The following EPHA7 variants were observed in gnomAD, a reference collection of about 807,000 sequenced individuals.
EPHA7 encodes the protein EPH receptor A7.
In EPHA7, 25 loss-of-function variants were observed where a neutral mutation model predicts 112.6. The observed-to-expected ratio is 0.22, with a 90% CI of 0.16 to 0.31. The LOEUF is 0.31. Among genes scored for constraint, EPHA7 ranks in the 10% least tolerant of loss-of-function variants. The pLI, the probability that EPHA7 is intolerant of heterozygous loss-of-function variation, is 1.00. For missense variants in EPHA7, 962 were observed against 1,212.6 expected (o/e 0.79, Z 3.07); for synonymous variants, 437 against 406.5 (o/e 1.07, Z -0.90).
At chr6:93,302,266 C>T (rs1773023651) in intron 5 of EPHA7, among the ~76,000 whole-genome samples, 2 of 152,108 alleles carry the variant, frequency 1.3e-5, no homozygotes, top group African/African-American at 2.4e-5. Context: ...GTCCCTAGCT[C>T]ACTGACATTT....
intron 5 of EPHA7, among the ~76,000 whole-genome samples, chr6:93,330,651 T>C (rs937646904): frequency 1.3e-5 from 2 of 151,500 alleles, no homozygotes; most frequent in East Asian, 3.9e-4. Flanking sequence ...TACCATTATG[T>C]AGATATATAC....
chr6:93,299,614 A>C (rs1221667718), intron 5 of EPHA7, among the ~76,000 whole-genome samples: 1 of 152,122 alleles, frequency 6.6e-6, no homozygotes. Flanking sequence ...ACCATTCGAC[A>C]CAACAATCTC....
At chr6:93,366,080 ACT>A (rs1180847708) in intron 3 of EPHA7, among the ~76,000 whole-genome samples, 1 of 152,118 alleles carries the variant, frequency 6.6e-6, no homozygotes, top group African/African-American at 2.4e-5. Flanking sequence ...TGGAGTTATG[ACT>A]CTTTATTTCA....
intron 5 of EPHA7, among the ~76,000 whole-genome samples, chr6:93,283,384 G>T (rs1771872222): frequency 6.6e-6 from 1 of 152,110 alleles, no homozygotes; most frequent in South Asian, 2.1e-4. Flanking sequence ...AAAGCAGGCT[G>T]CCCGAGCCAG....
intron 5 of EPHA7, among the ~76,000 whole-genome samples, chr6:93,338,077 A>T (rs1774962481): frequency 6.6e-6 from 1 of 152,072 alleles, no homozygotes; most frequent in African/African-American, 2.4e-5. Flanking sequence ...AGAAAGCCTA[A>T]GAATATCATC....
At chr6:93,371,854 C>T (rs960104416) in intron 3 of EPHA7, among the ~76,000 whole-genome samples, 3 of 152,020 alleles carry the variant, frequency 2.0e-5, no homozygotes, top group Non-Finnish European at 2.9e-5. Context: ...CTAACCAGAA[C>T]ACCAGAAATA....
At chr6:93,313,527 T>C (rs1258314269) in intron 5 of EPHA7, among the ~76,000 whole-genome samples, 1 of 152,042 alleles carries the variant, frequency 6.6e-6, no homozygotes, top group Non-Finnish European at 1.5e-5. Context: ...CTCATTCATA[T>C]AGCAAAATAT....
Position 93,395,466 on chromosome 6 carries a change from T to C in EPHA7, c.832+15035A>G, listed in dbSNP as rs146979625. Among the ~76,000 whole-genome samples the C allele has an allele frequency of 1.4e-3, 220 of 151,848 alleles. 3 individuals carry two copies. The highest frequency in any genetic ancestry group is 4.8e-3 in the African/African-American group (198 of 41,498). ...GCTCTGCATGTAAAATGTCATGACA[T>C]GTAAACAAAAATAATACAAACTTAA... On this transcript the variant is annotated intron_variant, in intron 3 of 16. Coordinates refer to ENST00000369303, the MANE Select transcript of EPHA7 (RefSeq NM_004440.4).
At chr6:93,285,035 C>T (rs1401812867) in intron 5 of EPHA7, among the ~76,000 whole-genome samples, 2 of 152,196 alleles carry the variant, frequency 1.3e-5, no homozygotes, top group East Asian at 1.9e-4. Context: ...ATTTCAATTG[C>T]TCCAGGTACT....
intron 5 of EPHA7, among the ~76,000 whole-genome samples, chr6:93,337,636 G>T (rs1244073915): frequency 1.3e-5 from 2 of 152,066 alleles, no homozygotes. Flanking sequence ...GGCAGGAAAA[G>T]AAAATATTTC....
At chr6:93,401,652 T>G (rs1778444621) in intron 3 of EPHA7, among the ~76,000 whole-genome samples, 1 of 152,058 alleles carries the variant, frequency 6.6e-6, no homozygotes, top group South Asian at 2.1e-4. Context: ...CATATTAAAC[T>G]TACATTAATA....
At chr6:93,255,401 C>T (rs917154556) in intron 13 of EPHA7, among the ~76,000 whole-genome samples, 1 of 151,984 alleles carries the variant, frequency 6.6e-6, no homozygotes, top group Non-Finnish European at 1.5e-5. Context: ...GGCAAAGTTA[C>T]TATGAAAATG....
intron 5 of EPHA7, 87 bp downstream of exon 5, chr6:93,356,630 G>C: frequency 8.1e-7 from 1 of 1,233,594 alleles, no homozygotes; most frequent in Non-Finnish European, 1.1e-6. Context: ...CAAGCTCTGT[G>C]CAGAGAAACT....
At chr6:93,332,346 T>G (rs919847513) in intron 5 of EPHA7, among the ~76,000 whole-genome samples, 3 of 151,634 alleles carry the variant, frequency 2.0e-5, no homozygotes, top group African/African-American at 7.3e-5. Context: ...TATAACTCTT[T>G]TCACCCCAAC....
intron 5 of EPHA7, among the ~76,000 whole-genome samples, chr6:93,291,422 T>C (rs1772356800): frequency 6.6e-6 from 1 of 152,128 alleles, no homozygotes; most frequent in South Asian, 2.1e-4. Flanking sequence ...AATAAAATAT[T>C]TGACAAAAGC....
chr6:93,247,514 T>A (rs1016098098), intron 14 of EPHA7, among the ~76,000 whole-genome samples: 38 of 152,146 alleles, frequency 2.5e-4, no homozygotes, highest in African/African-American at 8.0e-4. Context: ...AAGACAGTAG[T>A]TGTAAGACAG....
chr6:93,277,010 T>A (rs770978585), intron 5 of EPHA7, among the ~76,000 whole-genome samples: 4 of 151,988 alleles, frequency 2.6e-5, no homozygotes, highest in Admixed American at 6.6e-5. Context: ...CCACTGAAAT[T>A]TGTTAGATAT....
At chr6:93,282,597 G>C (rs2127899722) in intron 5 of EPHA7, among the ~76,000 whole-genome samples, 1 of 152,306 alleles carries the variant, frequency 6.6e-6, no homozygotes, top group African/African-American at 2.4e-5. Flanking sequence ...GCCCCTTTTT[G>C]GGCTGGCCAA....
chr6:93,339,884 T>C (rs1775059356), intron 5 of EPHA7, among the ~76,000 whole-genome samples: 1 of 151,788 alleles, frequency 6.6e-6, no homozygotes, highest in Non-Finnish European at 1.5e-5. Context: ...ACCCTATTTA[T>C]TTACTATACA....
Sources: allele counts gnomAD v4.1 joint callset (sites outside exome capture counted in the v4.1 genomes callset), GRCh38; gene constraint gnomAD v4.1.1; transcripts MANE v1.5; gene names NCBI Gene and HGNC (gene_info 2026-07-23, HGNC 2026-07-21).